Variants in NEDD9 observed in about 807,000 individuals in gnomAD.
NEDD9 encodes neural precursor cell expressed, developmentally down-regulated 9.
NEDD9 carries 26 observed loss-of-function variants against 76.6 expected under a neutral mutation model. That is an observed-to-expected ratio of 0.34 (90% confidence interval 0.25 to 0.47). The LOEUF is 0.47. Ranked by LOEUF, NEDD9 falls within the 20% of genes least tolerant of loss-of-function variation. The pLI is 1.00. For synonymous variants in NEDD9, 392 were observed against 414.2 expected (o/e 0.95, Z 0.65); for missense variants, 937 against 1,058.5 (o/e 0.89, Z 1.59).
intron 3 of NEDD9, among the ~76,000 whole-genome samples, chr6:11,300,340 C>A (rs553544076): frequency 9.3e-4 from 141 of 152,226 alleles, no homozygotes; most frequent in African/African-American, 3.3e-3. Context: ...ATGAACAAAG[C>A]CTCCAGGAAA....
chr6:11,329,228 C>A lies in NEDD9; in HGVS notation c.-153+5273G>T, dbSNP rs559059156. Among the ~76,000 whole-genome samples the A allele has an allele frequency of 2.0e-5, 3 of 152,340 alleles. No homozygotes were observed. The South Asian group carries it at 6.2e-4, about 32-fold the overall frequency. ...ATGACTTTGGTCCTGGGAAGAGAGA[C>A]CCGGCTTGGGATTAGAAATTACAGC... On this transcript the variant is annotated intron_variant, in intron 2 of 3. Coordinates refer to the NEDD9 transcript ENST00000397378.
rs956417720 is a variant in NEDD9 at position 11,183,881 on chromosome 6, A to C, written c.*1281T>G. ...TGAATACATTTACCCATGGGGTAGAAGTATTTCACCTGCCCCATGAAGAAC... is the reference window on the plus strand; with the variant it reads ...TGAATACATTTACCCATGGGGTAGACGTATTTCACCTGCCCCATGAAGAAC... On this transcript the variant is annotated 3_prime_UTR_variant, in exon 7 of 7. Coordinates refer to ENST00000379446, the MANE Select transcript of NEDD9 (RefSeq NM_006403.4). 6.6e-6 allele frequency: 1 copy of C among 152,248 alleles called. No homozygotes were observed. The highest frequency in any genetic ancestry group is 6.5e-5 in the Admixed American group (1 of 15,280). The allele number at this position is 152,248 out of a possible 1,614,324, so 9.4% of individuals were successfully genotyped here. A position where few individuals can be genotyped will look rare whatever the true frequency, so the allele number is the denominator to read the frequency against.
chr6:11,241,268 C>G lies in NEDD9; in HGVS notation c.13-27541G>C, dbSNP rs780138214. 6.6e-6 allele frequency among the ~76,000 whole-genome samples: 1 copy of G among 152,180 alleles called. No individual in the cohort carries two copies. Among genetic ancestry groups the G allele is most frequent in the Non-Finnish European group, 1.5e-5 (1 of 68,038 alleles). ...GGCATCAGGTCTTCTTCTTGCTAAC[C>G]TTTGTGCTTCCTCTATATGTTCTTA... On this transcript the variant is annotated intron_variant, in intron 3 of 3. Transcript: ENST00000397378. This position sits in a 1 kb window ranked among gnomAD's most constrained non-coding sequence, Gnocchi z 4.0.
At chr6:11,216,623 A>G (rs1758962479) in intron 1 of NEDD9, among the ~76,000 whole-genome samples, 1 of 152,176 alleles carries the variant, frequency 6.6e-6, no homozygotes, top group South Asian at 2.1e-4. Flanking sequence ...TTTTGTGTCT[A>G]TGGAATAAAT....
chr6:11,184,788 A>AC lies in NEDD9; in HGVS notation c.*373_*374insG, dbSNP rs1193728730. On this transcript the variant is annotated 3_prime_UTR_variant, in exon 7 of 7. Transcript: ENST00000379446. ...AGCTGGTATGTTTTTAACAACAACA[A>AC]AAAAAATGCAGCATTAGAAGGTGCT... is the stretch of plus-strand genomic sequence containing the variant. 1.2e-5 allele frequency: 2 copies of AC among 169,346 alleles called. No individual in the cohort carries two copies. The highest frequency in any genetic ancestry group is 1.6e-4 in the East Asian group (1 of 6,196). 10.5% of individuals were successfully genotyped at this position (169,346 alleles called of 1,614,324 possible).
chr6:11,254,590 A>G (rs577514170), intron 3 of NEDD9, among the ~76,000 whole-genome samples: 97 of 152,354 alleles, frequency 6.4e-4, no homozygotes, highest in Middle Eastern at 6.8e-3. Flanking sequence ...CAAACAGTGT[A>G]AACTGTACCT....
chr6:11,345,164 T>A (rs1762342030), intron 1 of NEDD9, among the ~76,000 whole-genome samples: 1 of 152,058 alleles, frequency 6.6e-6, no homozygotes, highest in African/African-American at 2.4e-5. Flanking sequence ...AACTTACAGA[T>A]TCTTAGAGAA....
chr6:11,315,784 A>C (rs765388424), intron 2 of NEDD9, among the ~76,000 whole-genome samples: 1 of 152,246 alleles, frequency 6.6e-6, no homozygotes, highest in Non-Finnish European at 1.5e-5. Context: ...TGAGATGAAA[A>C]GAGCTATTAG....
At chr6:11,239,869 C>T (rs985119301) in intron 3 of NEDD9, among the ~76,000 whole-genome samples, 4 of 151,888 alleles carry the variant, frequency 2.6e-5, no homozygotes, top group Admixed American at 6.6e-5. Context: ...CATGGTGAAA[C>T]CCCATCTCTA....
chr6:11,359,578 C>T (rs1423887348), intron 1 of NEDD9, among the ~76,000 whole-genome samples: 1 of 152,230 alleles, frequency 6.6e-6, no homozygotes, highest in Non-Finnish European at 1.5e-5. Context: ...TTCACTTTTG[C>T]CCCACATTCT....
chr6:11,310,577 A>G (rs1216094709), intron 2 of NEDD9, among the ~76,000 whole-genome samples: 3 of 152,090 alleles, frequency 2.0e-5, no homozygotes, highest in African/African-American at 4.8e-5. Context: ...AGCCTTCTGT[A>G]GTTCCCTGGC....
At chr6:11,358,246 CAAAAAAAAAAAAAAA>C (rs35011508) in intron 1 of NEDD9, among the ~76,000 whole-genome samples, 1 of 61,262 alleles carries the variant, frequency 1.6e-5, no homozygotes, top group Non-Finnish European at 2.8e-5. Context: ...AAGACTCCGT[CAAAAAAAAAAAAAAA>C]AAAAAAAAAA....
At chr6:11,339,768 G>T (rs1762238480) in intron 1 of NEDD9, among the ~76,000 whole-genome samples, 2 of 152,122 alleles carry the variant, frequency 1.3e-5, no homozygotes, top group South Asian at 4.1e-4. Context: ...GGACTTGACT[G>T]GGTTCTCTCT....
At chr6:11,286,501 T>A (rs1760652354) in intron 3 of NEDD9, among the ~76,000 whole-genome samples, 1 of 152,222 alleles carries the variant, frequency 6.6e-6, no homozygotes, top group African/African-American at 2.4e-5. Flanking sequence ...GCCTATGCCA[T>A]GCACACCCTT....
intron 3 of NEDD9, among the ~76,000 whole-genome samples, chr6:11,242,087 G>A (rs1466076188): frequency 6.6e-6 from 1 of 152,196 alleles, no homozygotes; most frequent in East Asian, 1.9e-4. Flanking sequence ...GTGGGCCGAG[G>A]ACTGGGTGGT....
intron 2 of NEDD9, among the ~76,000 whole-genome samples, chr6:11,317,227 G>GT (rs1439793263): frequency 6.6e-6 from 1 of 152,092 alleles, no homozygotes; most frequent in Non-Finnish European, 1.5e-5. Flanking sequence ...CAGGTCAGGA[G>GT]TTTGAGACCA....
intron 3 of NEDD9, chr6:11,305,091 ATTGG>A (rs753882737): frequency 4.9e-5 from 63 of 1,288,290 alleles, no homozygotes; most frequent in Non-Finnish European, 5.2e-5. Flanking sequence ...CAGAAAGGAG[ATTGG>A]GCTGTTCTTG....
intron 2 of NEDD9, among the ~76,000 whole-genome samples, chr6:11,319,388 ACT>A (rs989335651): frequency 1.3e-4 from 17 of 129,360 alleles, no homozygotes; most frequent in South Asian, 4.4e-4. Context: ...CAAGTCTCAC[ACT>A]CACACACACT....
chr6:11,372,545 T>C (rs571190801), intron 1 of NEDD9, among the ~76,000 whole-genome samples: 1 of 152,334 alleles, frequency 6.6e-6, no homozygotes, highest in African/African-American at 2.4e-5. Context: ...ATGACAGCTC[T>C]ATTTTTAGTT....
Sources: gnomAD v4.1 joint callset for allele counts (sites outside exome capture counted in the v4.1 genomes callset) on GRCh38, gnomAD v4.1.1 for gene constraint, Gnocchi (gnomAD v3.1) non-coding constraint, MANE v1.5 for transcripts, NCBI Gene and HGNC (gene_info 2026-07-23, HGNC 2026-07-21) for gene names.